Variants in PICALM observed in about 807,000 individuals in gnomAD.
PICALM encodes phosphatidylinositol binding clathrin assembly protein, also known as phosphatidylinositol-binding clathrin assembly protein.
A neutral mutation model predicts 80.5 loss-of-function variants in PICALM; 40 were observed. The ratio of observed to expected loss-of-function variants is 0.50; its 90% CI spans 0.39 to 0.65. The LOEUF is 0.65. PICALM is among the 30% of genes least tolerant of loss of function. PICALM has a pLI of 0.00. For synonymous variants in PICALM, 288 were observed against 260.3 expected (o/e 1.11, Z -1.02); for missense variants, 676 against 778.9 (o/e 0.87, Z 1.57).
chr11:85,996,791 A>G, intron 12 of PICALM, 35 bp downstream of exon 12: 1 of 1,140,710 alleles, frequency 8.8e-7, no homozygotes, highest in Non-Finnish European at 1.3e-6. Flanking sequence ...GGAGAGATGC[A>G]TGTAACATCT....
chr11:86,062,599 T>C (rs1487852698), intron 1 of PICALM, among the ~76,000 whole-genome samples: 4 of 152,060 alleles, frequency 2.6e-5, no homozygotes, highest in African/African-American at 9.6e-5. Context: ...TTTTAACAAA[T>C]GTACCACTTT....
intron 1 of PICALM, among the ~76,000 whole-genome samples, chr11:86,051,103 T>C (rs1214247695): frequency 6.6e-6 from 1 of 152,094 alleles, no homozygotes; most frequent in African/African-American, 2.4e-5. Context: ...TTTCAAATAA[T>C]GATATAGTAG....
At chr11:85,966,221 C>T (rs1013224619) in intron 19 of PICALM, among the ~76,000 whole-genome samples, 1 of 150,400 alleles carries the variant, frequency 6.6e-6, no homozygotes, top group Non-Finnish European at 1.5e-5. Context: ...TTTTTCCCCC[C>T]CCAAAGACAG....
At chr11:86,018,897 A>G (rs924249103) in intron 4 of PICALM, among the ~76,000 whole-genome samples, 2 of 49,172 alleles carry the variant, frequency 4.1e-5, no homozygotes, top group Non-Finnish European at 8.5e-5. Flanking sequence ...TTAAAAAAAA[A>G]AAAGAAAAAA....
chr11:86,031,267 T>C (rs1304560756), intron 2 of PICALM, among the ~76,000 whole-genome samples: 4 of 152,252 alleles, frequency 2.6e-5, no homozygotes, highest in African/African-American at 7.2e-5. Context: ...TGATCCATTA[T>C]TGATGTCCTC....
chr11:86,029,731 G>T (rs532404164), intron 2 of PICALM, among the ~76,000 whole-genome samples: 35 of 152,248 alleles, frequency 2.3e-4, no homozygotes, highest in Admixed American at 6.5e-4. Context: ...AGAAGAAGAA[G>T]AAAAGTACAT....
At chr11:85,982,201 C>T (rs542731037) in intron 14 of PICALM, 198 bp from the exon 15 acceptor site, 1 of 530,066 alleles carries the variant, frequency 1.9e-6, no homozygotes, top group Non-Finnish European at 3.4e-6. Context: ...GCTGTATTTG[C>T]TTTGACAGAA....
intron 1 of PICALM, among the ~76,000 whole-genome samples, chr11:86,064,433 T>C (rs1226778222): frequency 2.6e-5 from 4 of 152,244 alleles, no homozygotes. Flanking sequence ...GCTCAGCTGG[T>C]AGAGAGGATC....
At chr11:85,992,165 T>A (rs904443996) in intron 12 of PICALM, among the ~76,000 whole-genome samples, 11 of 151,412 alleles carry the variant, frequency 7.3e-5, no homozygotes, top group Admixed American at 1.3e-4. Flanking sequence ...GTACTAAAAA[T>A]ATATATATAT....
chr11:86,050,106 A>T (rs1474896011), intron 1 of PICALM, among the ~76,000 whole-genome samples: 1 of 151,134 alleles, frequency 6.6e-6, no homozygotes, highest in East Asian at 2.0e-4. Context: ...TCAGGAGGCT[A>T]AGGCAGGATA....
At chr11:85,963,307 T>C (rs2093753361) in intron 19 of PICALM, among the ~76,000 whole-genome samples, 1 of 152,110 alleles carries the variant, frequency 6.6e-6, no homozygotes, top group Non-Finnish European at 1.5e-5. Flanking sequence ...AAATCATAAT[T>C]GATCTTTCCA....
chr11:85,982,113 C>A, intron 14 of PICALM, 110 bp from the exon 15 acceptor site: 1 of 927,160 alleles, frequency 1.1e-6, no homozygotes, highest in Non-Finnish European at 1.7e-6. Context: ...GAAAAGTTAT[C>A]CAAAAAATAG....
intron 1 of PICALM, among the ~76,000 whole-genome samples, chr11:86,059,036 T>C (rs1180264145): frequency 6.6e-6 from 1 of 152,234 alleles, no homozygotes; most frequent in Non-Finnish European, 1.5e-5. Context: ...AATAAGCCTC[T>C]TAATGCCTCA....
At position 86,022,414 on chromosome 11, in the gene PICALM, T is replaced by G. The variant is rs1255132885; in HGVS notation, c.405A>C (p.Ala135=). Residue 135 remains alanine (A), a synonymous_variant, in exon 4 of 20, where the codon GCA becomes GCC. Transcript: ENST00000393346. ...CAAATGCAACTTGTCTGTATGAAAC[T>G]GCTTTCTCATTTAAATATCTACTAT... ...RRYSRYLNEK[A]VSYRQVAFDF... The G allele has an allele frequency of 1.3e-6, 2 of 1,594,974 alleles. No individual in the cohort carries two copies. Among genetic ancestry groups the G allele is most frequent in the East Asian group, 4.5e-5 (2 of 44,356 alleles).
chr11:86,069,857 G>C (rs1256989488), upstream of PICALM: 1 of 152,248 alleles, frequency 6.6e-6, no homozygotes, highest in African/African-American at 2.4e-5. Flanking sequence ...ATTCTCTAGG[G>C]TGTGGAATAG....
Position 85,958,898 on chromosome 11 carries a change from T to C in PICALM, c.*148A>G. On this transcript the variant is annotated 3_prime_UTR_variant, in exon 20 of 20. Transcript: ENST00000393346. ...TATAAACTAGTCCCAATTTCCTTCA[T>C]GGGCCTTCACTGAGTTACTTGTAGC... is the stretch of plus-strand genomic sequence containing the variant. 2 of 568,048 alleles carry C rather than the reference T, an allele frequency of 3.5e-6. No homozygotes were observed. The highest frequency in any genetic ancestry group is 3.2e-6 in the Non-Finnish European group (1 of 309,942). 35.2% of individuals were successfully genotyped at this position (568,048 alleles called of 1,614,324 possible). A position where few individuals can be genotyped will look rare whatever the true frequency, so the allele number is the denominator to read the frequency against.
At chr11:85,988,015 T>A (rs993250555) in intron 13 of PICALM, among the ~76,000 whole-genome samples, 8 of 152,242 alleles carry the variant, frequency 5.3e-5, no homozygotes, top group Non-Finnish European at 8.8e-5. Context: ...AATTCCATTT[T>A]AAAATACATT....
chr11:85,981,033 CCTT>C, intron 17 of PICALM, 93 bp downstream of exon 17: 1 of 675,336 alleles, frequency 1.5e-6, no homozygotes, highest in East Asian at 2.7e-5. Flanking sequence ...CAGTAACAAT[CCTT>C]CTATTTATGT....
intron 11 of PICALM, 146 bp downstream of exon 11, chr11:86,000,495 TTA>T (rs2095109390): frequency 1.7e-6 from 1 of 582,018 alleles, no homozygotes; most frequent in South Asian, 2.6e-5. Flanking sequence ...TCTTTAGGTA[TTA>T]TACCAATATC....
Sources: allele counts gnomAD v4.1 joint callset (sites outside exome capture counted in the v4.1 genomes callset), GRCh38; gene constraint gnomAD v4.1.1; transcripts MANE v1.5; gene names NCBI Gene and HGNC (gene_info 2026-07-23, HGNC 2026-07-21).